The following PIWIL2 variants were observed in gnomAD, a reference collection of about 807,000 sequenced individuals.
The protein encoded by PIWIL2 is piwi-like protein 2.
PIWIL2 carries 81 observed loss-of-function variants against 116.5 expected under a neutral mutation model. The observed-to-expected ratio is 0.70, with a 90% CI of 0.58 to 0.84. PIWIL2 has a LOEUF of 0.84. Among genes scored for constraint, PIWIL2 ranks in the 40% least tolerant of loss-of-function variants. The probability of loss-of-function intolerance (pLI) is 0.00; values close to 1 mark genes in which losing one functional copy is unlikely to be tolerated. For synonymous variants in PIWIL2, 489 were observed against 429.5 expected (o/e 1.14, Z -1.71); for missense variants, 1,272 against 1,212.3 (o/e 1.05, Z -0.73).
At chr8:22,290,397 G>T (rs746581403) in intron 10 of PIWIL2, 51 bp downstream of exon 10, 48 of 1,031,492 alleles carry the variant, frequency 4.7e-5, no homozygotes, top group Non-Finnish European at 7.1e-5. Context: ...TTTCTGAAAA[G>T]TTCAGTAACA....
intron 20 of PIWIL2, among the ~76,000 whole-genome samples, chr8:22,334,137 G>T (rs529634759): frequency 6.6e-6 from 1 of 151,672 alleles, no homozygotes; most frequent in South Asian, 2.1e-4. Flanking sequence ...CCACACCTGG[G>T]TAATTTTTTG....
intron 18 of PIWIL2, among the ~76,000 whole-genome samples, 181 bp downstream of exon 18, chr8:22,315,326 G>T (rs1021105329): frequency 3.3e-5 from 5 of 151,972 alleles, no homozygotes; most frequent in Non-Finnish European, 7.4e-5. Flanking sequence ...TTTGTTTTTT[G>T]TGTTTTTGAG....
intron 4 of PIWIL2, 30 bp downstream of exon 4, chr8:22,281,545 T>G: frequency 6.5e-7 from 1 of 1,528,252 alleles, no homozygotes; most frequent in Non-Finnish European, 8.8e-7. Flanking sequence ...CAGGTAACTA[T>G]CAAATTCAGA....
At chr8:22,316,426 T>G in intron 19 of PIWIL2, 93 bp downstream of exon 19, 1 of 799,212 alleles carries the variant, frequency 1.3e-6, no homozygotes, top group South Asian at 1.5e-5. Flanking sequence ...GCATTATGTA[T>G]TACAATATAA....
chr8:22,295,640 G>A (rs975988686), intron 10 of PIWIL2, among the ~76,000 whole-genome samples: 9 of 152,128 alleles, frequency 5.9e-5, no homozygotes, highest in Admixed American at 5.9e-4. Flanking sequence ...TCTGCAGGCT[G>A]TCCTCCCTTG....
chr8:22,330,081 A>G (rs768392051), intron 20 of PIWIL2, among the ~76,000 whole-genome samples: 2 of 152,100 alleles, frequency 1.3e-5, no homozygotes, highest in Non-Finnish European at 2.9e-5. Context: ...TATTTATATG[A>G]TGGTGTGTTT....
At chr8:22,287,165 T>A (rs571692450) in intron 6 of PIWIL2, among the ~76,000 whole-genome samples, 1 of 152,198 alleles carries the variant, frequency 6.6e-6, no homozygotes, top group Non-Finnish European at 1.5e-5. Context: ...GAGAGTCACT[T>A]GAACTTGGGA....
chr8:22,304,204 C>G lies in PIWIL2; in HGVS notation c.1365C>G (p.Tyr455Ter). 3 of 1,609,940 alleles carry G rather than the reference C, an allele frequency of 1.9e-6. No individual in the cohort carries two copies. The highest frequency in any genetic ancestry group is 2.5e-6 in the Non-Finnish European group (3 of 1,176,880). ...SDGKEITFLE[Y>*]YSKNYGITVK... ...GGAAAGAGATCACATTCTTGGAATA[C>G]TACAGGTAGCAAGAAGAGACTGGGT... The change falls in exon 11 of 23, where the codon TAC becomes TAG. Residue 455 changes from tyrosine (Y) to a stop codon, truncating the protein, a stop_gained. Coordinates refer to ENST00000356766, the MANE Select transcript of PIWIL2 (RefSeq NM_018068.5). LOFTEE classifies it high-confidence loss of function.
chr8:22,335,139 T>C (rs1245653828), intron 20 of PIWIL2, among the ~76,000 whole-genome samples: 1 of 150,918 alleles, frequency 6.6e-6, no homozygotes, highest in East Asian at 1.9e-4. Flanking sequence ...AAAAGAGAAT[T>C]ATAACAGTAA....
At chr8:22,345,972 C>A (rs536453553) in intron 20 of PIWIL2, among the ~76,000 whole-genome samples, 1 of 152,214 alleles carries the variant, frequency 6.6e-6, no homozygotes, top group South Asian at 2.1e-4. Context: ...GGATTAAAAT[C>A]TTTTGGGGTG....
At chr8:22,326,271 A>T (rs1472637566) in intron 20 of PIWIL2, among the ~76,000 whole-genome samples, 8 of 152,074 alleles carry the variant, frequency 5.3e-5, no homozygotes, top group Non-Finnish European at 1.2e-4. Flanking sequence ...CTGTAATCCC[A>T]GCACTTTGGG....
chr8:22,348,569 A>T (rs1832280771), intron 20 of PIWIL2, among the ~76,000 whole-genome samples: 1 of 152,062 alleles, frequency 6.6e-6, no homozygotes, highest in Non-Finnish European at 1.5e-5. Context: ...TACATTTAGG[A>T]GTTCCAACCT....
intron 20 of PIWIL2, among the ~76,000 whole-genome samples, chr8:22,325,907 A>G (rs1425674717): frequency 1.3e-5 from 2 of 152,206 alleles, no homozygotes; most frequent in Non-Finnish European, 2.9e-5. Context: ...GGACTACCAG[A>G]GTAAGTCCAA....
At chr8:22,287,941 G>A (rs917834365) in intron 7 of PIWIL2, among the ~76,000 whole-genome samples, 65 of 152,174 alleles carry the variant, frequency 4.3e-4, no homozygotes, top group African/African-American at 1.4e-3. Context: ...TCCTCAAGAA[G>A]CACCTTCTCA....
chr8:22,309,118 C>T (rs1290799350), intron 14 of PIWIL2, among the ~76,000 whole-genome samples: 1 of 151,708 alleles, frequency 6.6e-6, no homozygotes, highest in Non-Finnish European at 1.5e-5. Flanking sequence ...CGTGCCACCA[C>T]GTCCGGCTAA....
chr8:22,280,957 T>C (rs1830485410), intron 2 of PIWIL2, among the ~76,000 whole-genome samples, 163 bp from the exon 3 acceptor site: 2 of 152,246 alleles, frequency 1.3e-5, no homozygotes, highest in Non-Finnish European at 2.9e-5. Flanking sequence ...GACCTAATAT[T>C]ACATAGTTAC....
intron 10 of PIWIL2, among the ~76,000 whole-genome samples, chr8:22,290,808 A>G (rs886837092): frequency 2.0e-4 from 31 of 151,896 alleles, no homozygotes; most frequent in African/African-American, 7.5e-4. Flanking sequence ...CCTCGTCTCT[A>G]GTCCTCCTGA....
chr8:22,318,721 C>G (rs1037737239), intron 20 of PIWIL2, among the ~76,000 whole-genome samples: 2 of 152,220 alleles, frequency 1.3e-5, no homozygotes, highest in African/African-American at 4.8e-5. Flanking sequence ...ACAGCTGCTA[C>G]TGAGCAGGCA....
At chr8:22,323,894 T>C (rs1021252538) in intron 20 of PIWIL2, among the ~76,000 whole-genome samples, 5 of 152,196 alleles carry the variant, frequency 3.3e-5, no homozygotes, top group Admixed American at 6.5e-5. Flanking sequence ...TTTACCCCTT[T>C]AGGCATCCCA....
Sources: allele counts gnomAD v4.1 joint callset (sites outside exome capture counted in the v4.1 genomes callset), GRCh38; gene constraint gnomAD v4.1.1; transcripts MANE v1.5; gene names NCBI Gene and HGNC (gene_info 2026-07-23, HGNC 2026-07-21).